ADAM12: variants seen among roughly 807,000 people sequenced by gnomAD.
ADAM12 encodes the protein disintegrin and metalloproteinase domain-containing protein 12.
In ADAM12, 70 loss-of-function variants were observed where a neutral mutation model predicts 106.4. That is an observed-to-expected ratio of 0.66 (90% CI 0.54 to 0.80). The LOEUF is 0.80. Ranked by LOEUF, ADAM12 falls within the 30% of genes least tolerant of loss-of-function variation. The probability of loss-of-function intolerance (pLI) is 0.00; values close to 1 mark genes in which losing one functional copy is unlikely to be tolerated. For synonymous variants in ADAM12, 420 were observed against 433.5 expected, an observed-to-expected ratio of 0.97 and a Z score of 0.39; for missense variants, 1,010 against 1,171.9, an observed-to-expected ratio of 0.86 and a Z score of 2.02.
chr10:126,363,946 T>C (rs1392691541), intron 1 of ADAM12, among the ~76,000 whole-genome samples: 1 of 152,174 alleles, frequency 6.6e-6, no homozygotes, highest in Non-Finnish European at 1.5e-5. Flanking sequence ...ATTAAAAATA[T>C]GATACACCTT....
chr10:126,374,029 A>G (rs1856198345), intron 1 of ADAM12, among the ~76,000 whole-genome samples: 1 of 152,220 alleles, frequency 6.6e-6, no homozygotes, highest in Non-Finnish European at 1.5e-5. Flanking sequence ...CCTCTACCAA[A>G]TGCCACAGGG....
chr10:126,208,639 G>T (rs1197745665), intron 3 of ADAM12, among the ~76,000 whole-genome samples: 1 of 151,818 alleles, frequency 6.6e-6, no homozygotes, highest in East Asian at 1.9e-4. Flanking sequence ...TTTATTGGGG[G>T]ATAAAATCTA....
intron 20 of ADAM12, among the ~76,000 whole-genome samples, chr10:126,038,026 C>T (rs977650884): frequency 5.9e-5 from 9 of 152,118 alleles, no homozygotes; most frequent in African/African-American, 1.4e-4. Context: ...GCACTGAGTG[C>T]GCCAACAGGA....
intron 11 of ADAM12, among the ~76,000 whole-genome samples, chr10:126,091,172 G>C (rs1955457196): frequency 6.6e-6 from 1 of 152,186 alleles, no homozygotes; most frequent in African/African-American, 2.4e-5. Flanking sequence ...CTTTTTGATA[G>C]TTCCAAAACC....
intron 2 of ADAM12, among the ~76,000 whole-genome samples, chr10:126,288,421 G>A (rs1475085382): frequency 6.6e-6 from 1 of 152,100 alleles, no homozygotes; most frequent in Non-Finnish European, 1.5e-5. Context: ...TTGGATCTTC[G>A]TGACAAAAAA....
chr10:126,055,583 T>C (rs1195355518), intron 14 of ADAM12, among the ~76,000 whole-genome samples: 1 of 152,144 alleles, frequency 6.6e-6, no homozygotes, highest in African/African-American at 2.4e-5. Context: ...AAGATCACAA[T>C]GTAAATGGCA....
intron 21 of ADAM12, among the ~76,000 whole-genome samples, chr10:126,026,041 T>C (rs1294642084): frequency 6.6e-6 from 1 of 152,058 alleles, no homozygotes; most frequent in Non-Finnish European, 1.5e-5. Context: ...GAATTTCATA[T>C]CTGGCCCAAT....
chr10:126,332,367 C>T (rs10901595), intron 1 of ADAM12, among the ~76,000 whole-genome samples: 33,334 of 151,986 alleles, frequency 0.22, 3,956 homozygotes, highest in African/African-American at 0.31. Context: ...CAGAGAGGGA[C>T]GTAGAGAAAA....
chr10:126,316,797 A>AG (rs910689954), intron 2 of ADAM12, among the ~76,000 whole-genome samples: 4 of 151,782 alleles, frequency 2.6e-5, no homozygotes, highest in African/African-American at 7.3e-5. Context: ...AAAAAAAAAA[A>AG]AAAAGAAAAG....
At chr10:126,047,582 C>G (rs1254093108) in intron 16 of ADAM12, among the ~76,000 whole-genome samples, 1 of 152,098 alleles carries the variant, frequency 6.6e-6, no homozygotes, top group East Asian at 1.9e-4. Flanking sequence ...CCTGGCTGTT[C>G]AGGCTACAGT....
intron 3 of ADAM12, among the ~76,000 whole-genome samples, chr10:126,169,279 C>G (rs1420101797): frequency 6.6e-6 from 1 of 152,204 alleles, no homozygotes; most frequent in African/African-American, 2.4e-5. Flanking sequence ...CCCTGCCTGC[C>G]CCTTCCTAAA....
chr10:126,346,536 G>A (rs1382032360), intron 1 of ADAM12, among the ~76,000 whole-genome samples: 2 of 152,138 alleles, frequency 1.3e-5, no homozygotes, highest in Non-Finnish European at 2.9e-5. Flanking sequence ...TGTCTGTTAG[G>A]TCCACTTGGT....
intron 11 of ADAM12, among the ~76,000 whole-genome samples, chr10:126,073,359 A>T (rs544282699): frequency 6.6e-6 from 1 of 151,810 alleles, no homozygotes; most frequent in East Asian, 1.9e-4. Flanking sequence ...AAGTGCTGGG[A>T]TTATAGGCAT....
At chr10:126,079,245 A>G (rs924487869) in intron 11 of ADAM12, among the ~76,000 whole-genome samples, 17 of 152,172 alleles carry the variant, frequency 1.1e-4, no homozygotes, top group Non-Finnish European at 2.4e-4. Context: ...CACATTCACA[A>G]TGTTGTGTAG....
intron 1 of ADAM12, among the ~76,000 whole-genome samples, chr10:126,380,920 A>G (rs1232688253): frequency 6.6e-6 from 1 of 152,174 alleles, no homozygotes; most frequent in African/African-American, 2.4e-5. Flanking sequence ...CATTTAGCTT[A>G]AGGAGGCCTC....
chr10:126,214,261 C>T (rs1957948343), intron 3 of ADAM12, among the ~76,000 whole-genome samples: 3 of 152,210 alleles, frequency 2.0e-5, no homozygotes, highest in African/African-American at 7.2e-5. Context: ...CACATCCTGG[C>T]TCGACCCTTC....
At chr10:126,117,593 A>C (rs1047086968) in intron 6 of ADAM12, among the ~76,000 whole-genome samples, 3 of 152,048 alleles carry the variant, frequency 2.0e-5, no homozygotes, top group Non-Finnish European at 4.4e-5. Context: ...GCTAATAAGG[A>C]AGGCTCTATG....
intron 11 of ADAM12, among the ~76,000 whole-genome samples, chr10:126,090,391 A>G (rs1955440931): frequency 6.6e-6 from 1 of 151,706 alleles, no homozygotes. Flanking sequence ...CTAGGAAGTG[A>G]CATTTACTAT....
Position 126,038,324 on chromosome 10 carries a change from G to T in ADAM12, c.2266C>A (p.Arg756Ser). The T allele has an allele frequency of 6.2e-7, 1 of 1,605,672 alleles. No homozygotes were observed. The highest frequency in any genetic ancestry group is 8.5e-7 in the Non-Finnish European group (1 of 1,175,080). Reference protein sequence around the residue: ...LRCVRPSRPPRGFQPCQAHLG... With the variant: ...LRCVRPSRPPSGFQPCQAHLG... Reference sequence around the variant, plus strand: ...TGAGCCTGACAGGGTTGGAAGCCACGGGGTGGCCGGGAAGGGCGCACACAC... The same window carrying T: ...TGAGCCTGACAGGGTTGGAAGCCACTGGGTGGCCGGGAAGGGCGCACACAC... The change falls in exon 20 of 23, where the codon CGT (arginine) becomes AGT (serine). Residue 756 changes from arginine (R) to serine (S), a missense_variant. Around this residue, in one of 3 missense-constraint regions of ADAM12, gnomAD observed 615 missense variants for 708.5 expected, o/e 0.87. Coordinates refer to ENST00000448723, the MANE Select transcript of ADAM12 (RefSeq NM_001288973.2).
Sources: gnomAD v4.1 joint callset for allele counts (sites outside exome capture counted in the v4.1 genomes callset) on GRCh38, gnomAD v4.1.1 for gene constraint, gnomAD v4.1.1 regional missense constraint, MANE v1.5 for transcripts, NCBI Gene and HGNC (gene_info 2026-07-23, HGNC 2026-07-21) for gene names.